Variants in HEMK2 observed in about 807,000 individuals in gnomAD.
HEMK2 encodes HemK methyltransferase 2, ETF1 glutamine and histone H4 lysine.
chr21:28,870,278 T>C, the HEMK2 span, among the ~76,000 whole-genome samples: 6 of 152,350 alleles, frequency 3.9e-5, no homozygotes, highest in Admixed American at 6.5e-5. Context: ...CCCCAATTAT[T>C]TGCATCTTGC....
the HEMK2 span, among the ~76,000 whole-genome samples, chr21:28,746,361 A>G: frequency 2.6e-5 from 4 of 152,168 alleles, no homozygotes; most frequent in Non-Finnish European, 4.4e-5. Flanking sequence ...CTGTCTTTGC[A>G]GTGAGTCAGA....
the HEMK2 span, among the ~76,000 whole-genome samples, chr21:28,710,539 T>C: frequency 6.6e-6 from 1 of 152,222 alleles, no homozygotes; most frequent in Admixed American, 6.5e-5. Flanking sequence ...CTAAATACTT[T>C]ATAACTCAGG....
At chr21:28,709,773 C>G in the HEMK2 span, among the ~76,000 whole-genome samples, 2 of 151,748 alleles carry the variant, frequency 1.3e-5, no homozygotes, top group African/African-American at 4.8e-5. Context: ...AGGGCTGGGG[C>G]GAGAGGAAGA....
the HEMK2 span, among the ~76,000 whole-genome samples, chr21:28,683,468 G>A: frequency 2.0e-5 from 3 of 152,068 alleles, no homozygotes; most frequent in Non-Finnish European, 4.4e-5. Flanking sequence ...GGTCACTGCC[G>A]CGTCATCACT....
At chr21:28,825,698 T>C in the HEMK2 span, among the ~76,000 whole-genome samples, 3 of 152,226 alleles carry the variant, frequency 2.0e-5, no homozygotes, top group Admixed American at 6.5e-5. Context: ...ACAGACTTAA[T>C]GGTCAGTCAC....
the HEMK2 span, among the ~76,000 whole-genome samples, chr21:28,606,952 T>A: frequency 6.6e-6 from 1 of 152,168 alleles, no homozygotes; most frequent in African/African-American, 2.4e-5. Context: ...GGGGAAAGTA[T>A]GACATATTTA....
the HEMK2 span, among the ~76,000 whole-genome samples, chr21:28,767,538 T>C: frequency 6.6e-6 from 1 of 151,048 alleles, no homozygotes; most frequent in Admixed American, 6.6e-5. Flanking sequence ...TAAAGGGTAG[T>C]CGTTAAACAA....
At chr21:28,665,321 CTTAT>C in the HEMK2 span, among the ~76,000 whole-genome samples, 1 of 69,572 alleles carries the variant, frequency 1.4e-5, no homozygotes, top group East Asian at 5.4e-4. Flanking sequence ...CATTTGAAAA[CTTAT>C]TTATATTTCT....
the HEMK2 span, among the ~76,000 whole-genome samples, chr21:28,616,886 T>C: frequency 6.6e-6 from 1 of 152,176 alleles, no homozygotes; most frequent in Non-Finnish European, 1.5e-5. Flanking sequence ...TCATTCTTGC[T>C]CAGTTACTTC....
chr21:28,601,185 A>G, the HEMK2 span, among the ~76,000 whole-genome samples: 1 of 152,166 alleles, frequency 6.6e-6, no homozygotes, highest in African/African-American at 2.4e-5. Flanking sequence ...CTCAGCAGCA[A>G]GAGGGATCCT....
the HEMK2 span, among the ~76,000 whole-genome samples, chr21:28,695,651 G>T: frequency 2.0e-5 from 3 of 151,974 alleles, no homozygotes; most frequent in Non-Finnish European, 2.9e-5. Flanking sequence ...GACACGTGGG[G>T]ATTATTACAA....
At chr21:28,824,899 G>T in the HEMK2 span, among the ~76,000 whole-genome samples, 2 of 151,766 alleles carry the variant, frequency 1.3e-5, no homozygotes, top group African/African-American at 4.9e-5. Flanking sequence ...GCTCAGTTAG[G>T]GTTTTTAATC....
chr21:28,632,662 A>G, the HEMK2 span, among the ~76,000 whole-genome samples: 1 of 152,150 alleles, frequency 6.6e-6, no homozygotes, highest in Admixed American at 6.6e-5. Flanking sequence ...AAATCAAACT[A>G]TTTGTTCTTA....
chr21:28,578,846 A>G, the HEMK2 span, among the ~76,000 whole-genome samples: 2 of 152,218 alleles, frequency 1.3e-5, no homozygotes, highest in Non-Finnish European at 2.9e-5. Flanking sequence ...AATTTTAGCC[A>G]CATAACTAAT....
chr21:28,826,774 A>G, the HEMK2 span, among the ~76,000 whole-genome samples: 296 of 152,316 alleles, frequency 1.9e-3, 4 homozygotes, highest in African/African-American at 6.9e-3. Flanking sequence ...AATCTTCTCA[A>G]TCACACTTAA....
chr21:28,589,151 C>A, the HEMK2 span, among the ~76,000 whole-genome samples: 2 of 151,946 alleles, frequency 1.3e-5, no homozygotes, highest in Non-Finnish European at 2.9e-5. Context: ...GGTTATCAGG[C>A]TGTTGAGGAG....
chr21:28,623,510 T>C, the HEMK2 span, among the ~76,000 whole-genome samples: 2 of 152,150 alleles, frequency 1.3e-5, no homozygotes, highest in African/African-American at 2.4e-5. Flanking sequence ...TTGCAAACCA[T>C]TCTACTACAA....
At chr21:28,740,764 G>A in the HEMK2 span, among the ~76,000 whole-genome samples, 1 of 152,262 alleles carries the variant, frequency 6.6e-6, no homozygotes, top group East Asian at 1.9e-4. Context: ...AGATAGGCAA[G>A]AAAGAACCTA....
At chr21:28,780,687 A>G in the HEMK2 span, among the ~76,000 whole-genome samples, 1 of 152,270 alleles carries the variant, frequency 6.6e-6, no homozygotes, top group African/African-American at 2.4e-5. Context: ...TTTGCTCACT[A>G]AAGTAGTCAG....
Sources: gnomAD v4.1 joint callset for allele counts (sites outside exome capture counted in the v4.1 genomes callset) on GRCh38, gnomAD v4.1.1 for gene constraint, MANE v1.5 for transcripts, NCBI Gene and HGNC (gene_info 2026-07-23, HGNC 2026-07-21) for gene names.